The following SOX5 variants were observed in gnomAD, a reference collection of about 807,000 sequenced individuals.
The protein encoded by SOX5 is transcription factor SOX-5.
In SOX5, 9 loss-of-function variants were observed where a neutral mutation model predicts 92.0. That is an observed-to-expected ratio of 0.10 (90% CI 0.06 to 0.17). The LOEUF (loss-of-function observed/expected upper bound fraction) is 0.17. SOX5 is among the 10% of genes least tolerant of loss of function. The pLI is 1.00. For missense variants in SOX5, 642 were observed against 944.5 expected (o/e 0.68, Z 4.20); for synonymous variants, 344 against 336.3 (o/e 1.02, Z -0.25).
chr12:24,108,141 G>A (rs1187910639), intron 4 of SOX5, among the ~76,000 whole-genome samples: 2 of 152,116 alleles, frequency 1.3e-5, no homozygotes, highest in Non-Finnish European at 2.9e-5. Flanking sequence ...CTCTGTGTAA[G>A]TTGCATTACA....
intron 9 of SOX5, among the ~76,000 whole-genome samples, chr12:23,599,503 A>T (rs1326930621): frequency 6.6e-6 from 1 of 152,226 alleles, no homozygotes; most frequent in Non-Finnish European, 1.5e-5. Flanking sequence ...AGGTTAAAAG[A>T]AAAGCACCCA....
intron 6 of SOX5, among the ~76,000 whole-genome samples, chr12:23,732,342 C>T (rs1460982498): frequency 1.3e-5 from 2 of 152,132 alleles, no homozygotes; most frequent in Non-Finnish European, 2.9e-5. Flanking sequence ...TGAACAATCT[C>T]GCAGTAGACT....
chr12:23,949,415 C>CA (rs1945172443), intron 1 of SOX5, 149 bp downstream of exon 1: 6 of 961,894 alleles, frequency 6.2e-6, no homozygotes, highest in South Asian at 2.9e-5. Flanking sequence ...GCAATCACAA[C>CA]AAAAAATCAG....
Position 23,530,462 on chromosome 12 carries a change from A to ATATT in SOX5, c.*3753_*3756dup, listed in dbSNP as rs1565530394. On this transcript the variant is annotated 3_prime_UTR_variant, in exon 15 of 15. Transcript: ENST00000451604. The stretch of plus-strand genomic sequence containing the variant: ...TAGCTTCACCACAGAAAACTTTTTT[A>ATATT]TATTTGTTCTTTATAAGAGGATTTG... 1 of 145,656 alleles carries ATATT rather than the reference A, an allele frequency of 6.9e-6. No homozygotes were observed. The highest frequency in any genetic ancestry group is 1.5e-5 in the Non-Finnish European group (1 of 66,368). The allele number at this position is 145,656 out of a possible 1,614,324, so 9.0% of individuals were successfully genotyped here. A position where few individuals can be genotyped will look rare whatever the true frequency, so the allele number is the denominator to read the frequency against.
At chr12:24,202,097 T>G (rs201264722) in intron 4 of SOX5, among the ~76,000 whole-genome samples, 1 of 152,196 alleles carries the variant, frequency 6.6e-6, no homozygotes, top group Non-Finnish European at 1.5e-5. Context: ...TTCTATGTTA[T>G]TGGCAAATAG....
At chr12:24,022,520 G>C (rs535386294) in intron 4 of SOX5, among the ~76,000 whole-genome samples, 2 of 152,132 alleles carry the variant, frequency 1.3e-5, no homozygotes, top group Non-Finnish European at 2.9e-5. Context: ...GATACAATCA[G>C]AATTGTGTAG....
At chr12:24,183,684 C>T (rs531356784) in intron 4 of SOX5, among the ~76,000 whole-genome samples, 60 of 152,218 alleles carry the variant, frequency 3.9e-4, no homozygotes, top group African/African-American at 1.4e-3. Flanking sequence ...CCTGAAAGTG[C>T]CACATTGTTT....
chr12:23,605,725 TAAATA>T (rs1348197819), intron 8 of SOX5, among the ~76,000 whole-genome samples: 3 of 151,574 alleles, frequency 2.0e-5, no homozygotes, highest in African/African-American at 7.3e-5. Context: ...TGTCTCTCTC[TAAATA>T]AAATAATGAA....
At chr12:23,797,607 C>A (rs2095588437) in intron 3 of SOX5, among the ~76,000 whole-genome samples, 1 of 151,976 alleles carries the variant, frequency 6.6e-6, no homozygotes, top group Admixed American at 6.6e-5. Flanking sequence ...ATGCCACGTA[C>A]CTATATGATT....
intron 4 of SOX5, among the ~76,000 whole-genome samples, chr12:24,124,921 A>G (rs999293149): frequency 6.6e-6 from 1 of 152,198 alleles, no homozygotes; most frequent in South Asian, 2.1e-4. Context: ...TCCAGATTCC[A>G]TTCTAAATAA....
intron 3 of SOX5, among the ~76,000 whole-genome samples, chr12:23,784,027 C>T (rs1434623110): frequency 6.6e-6 from 1 of 152,044 alleles, no homozygotes; most frequent in Non-Finnish European, 1.5e-5. Flanking sequence ...AATGTAACTG[C>T]TGAATAATTA....
chr12:24,023,631 G>T (rs1954559442), intron 4 of SOX5, among the ~76,000 whole-genome samples: 1 of 152,158 alleles, frequency 6.6e-6, no homozygotes, highest in South Asian at 2.1e-4. Flanking sequence ...ACAGGTAGTG[G>T]TAAATTTGGG....
intron 4 of SOX5, among the ~76,000 whole-genome samples, chr12:24,006,273 T>C (rs1378282955): frequency 6.6e-6 from 1 of 152,188 alleles, no homozygotes; most frequent in Non-Finnish European, 1.5e-5. Context: ...TTTAATGTAC[T>C]ATCTCATTAA....
At chr12:24,247,165 T>C (rs1024809547) in intron 3 of SOX5, among the ~76,000 whole-genome samples, 47 of 151,982 alleles carry the variant, frequency 3.1e-4, no homozygotes, top group Non-Finnish European at 6.5e-4. Context: ...GTGCTGTGGG[T>C]AGGGACATCA....
chr12:24,112,896 T>C (rs1005333164), intron 4 of SOX5, among the ~76,000 whole-genome samples: 8 of 152,008 alleles, frequency 5.3e-5, no homozygotes, highest in Non-Finnish European at 1.0e-4. Flanking sequence ...AATAACGGTC[T>C]TTAGGGTTCC....
At chr12:24,290,894 C>T (rs1479010053) in intron 2 of SOX5, among the ~76,000 whole-genome samples, 1 of 152,104 alleles carries the variant, frequency 6.6e-6, no homozygotes, top group African/African-American at 2.4e-5. Flanking sequence ...GGTAAAGAAG[C>T]AGGGGTCTTG....
intron 4 of SOX5, among the ~76,000 whole-genome samples, chr12:23,965,121 C>A (rs528998065): frequency 1.9e-4 from 29 of 152,304 alleles, no homozygotes; most frequent in African/African-American, 7.0e-4. Context: ...TCTCTATGCA[C>A]CCTAGCAGGA....
At chr12:24,281,835 C>T (rs999719055) in intron 2 of SOX5, among the ~76,000 whole-genome samples, 1 of 152,106 alleles carries the variant, frequency 6.6e-6, no homozygotes, top group Non-Finnish European at 1.5e-5. Context: ...GTACTCTTGA[C>T]ACAGAACAGC....
chr12:24,002,248 G>C (rs1336281268), intron 4 of SOX5, among the ~76,000 whole-genome samples: 2 of 151,518 alleles, frequency 1.3e-5, no homozygotes, highest in Non-Finnish European at 2.9e-5. Flanking sequence ...TAAAACAAGA[G>C]AGAAAAAATC....
Sources: gnomAD v4.1 joint callset for allele counts (sites outside exome capture counted in the v4.1 genomes callset) on GRCh38, gnomAD v4.1.1 for gene constraint, MANE v1.5 for transcripts, NCBI Gene and HGNC (gene_info 2026-07-23, HGNC 2026-07-21) for gene names.